The following SYN3 variants were observed in gnomAD, a reference collection of about 807,000 sequenced individuals.
SYN3 encodes synapsin-3.
A neutral mutation model predicts 65.8 loss-of-function variants in SYN3; 35 were observed. The ratio of observed to expected loss-of-function variants is 0.53; its 90% CI spans 0.41 to 0.70. The LOEUF (loss-of-function observed/expected upper bound fraction) is 0.70, where lower values mean the gene tolerates loss of function less well. Among genes scored for constraint, SYN3 ranks in the 30% least tolerant of loss-of-function variants. The probability of loss-of-function intolerance (pLI) is 0.00; values close to 1 mark genes in which losing one functional copy is unlikely to be tolerated. For missense variants in SYN3, 680 were observed against 749.0 expected (o/e 0.91, Z 1.08); for synonymous variants, 270 against 292.9 (o/e 0.92, Z 0.80).
chr22:32,657,015 G>T (rs1385145726), intron 6 of SYN3, among the ~76,000 whole-genome samples: 1 of 152,116 alleles, frequency 6.6e-6, no homozygotes, highest in Non-Finnish European at 1.5e-5. Flanking sequence ...TTCTGGCTTG[G>T]AATTCTGGGA....
chr22:32,859,097 G>A, intron 6 of SYN3: 2 of 1,415,726 alleles, frequency 1.4e-6, no homozygotes, highest in Non-Finnish European at 2.0e-6. Context: ...AGTGGCCCCA[G>A]GGTCTGAATC....
chr22:32,931,360 GA>G lies in SYN3; in HGVS notation c.461+29del, dbSNP rs781581023. ...TGAGGTTCCACGTATGCAATTCTCA[GA>G]AGGTTCTGCATATTTTAATCCTACT... On this transcript the variant is annotated intron_variant, in intron 4 of 13. Transcript: ENST00000358763. 652 of 1,477,510 alleles carry G rather than the reference GA, an allele frequency of 4.4e-4. 1 individual carries two copies. The highest frequency in any genetic ancestry group is 6.0e-4 in the Non-Finnish European group (629 of 1,055,710). 91.5% of individuals were successfully genotyped at this position (1,477,510 alleles called of 1,614,324 possible). A position where few individuals can be genotyped will look rare whatever the true frequency, so the allele number is the denominator to read the frequency against.
chr22:32,557,006 G>C, intron 7 of SYN3, among the ~76,000 whole-genome samples: 1 of 151,784 alleles, frequency 6.6e-6, no homozygotes, highest in East Asian at 1.9e-4. Context: ...AAAATTAAAA[G>C]GATATCACAC....
chr22:32,904,100 G>A (rs187387004), intron 4 of SYN3, among the ~76,000 whole-genome samples: 2 of 152,342 alleles, frequency 1.3e-5, no homozygotes, highest in East Asian at 3.9e-4. Flanking sequence ...CTTTAAAGGT[G>A]GGTAATAAAT....
intron 4 of SYN3, among the ~76,000 whole-genome samples, chr22:32,882,215 A>C (rs4449): frequency 2.0e-5 from 3 of 152,152 alleles, no homozygotes; most frequent in Admixed American, 6.5e-5. Flanking sequence ...CCCATCGGTC[A>C]GGTCATCTTC....
rs1435346207 is a variant in SYN3, at chr22:32,507,828, A to G, written c.*5864T>C. Among the ~76,000 whole-genome samples, 1 of 151,980 alleles carries G rather than the reference A, an allele frequency of 6.6e-6. No individual in the cohort carries two copies. Among genetic ancestry groups the G allele is most frequent in the African/African-American group, 2.4e-5 (1 of 41,306 alleles). On this transcript the variant is annotated 3_prime_UTR_variant, in exon 14 of 14. Coordinates refer to ENST00000358763, the MANE Select transcript of SYN3 (RefSeq NM_003490.4). Reference sequence around the variant, plus strand: ...CATACAAAACCATATCCAGGCCGTCACCAATCATTCTACACAACAAATGTT... The same window carrying G: ...CATACAAAACCATATCCAGGCCGTCGCCAATCATTCTACACAACAAATGTT...
intron 6 of SYN3, among the ~76,000 whole-genome samples, chr22:32,703,361 G>A (rs539567229): frequency 7.0e-4 from 106 of 152,222 alleles, no homozygotes; most frequent in Admixed American, 1.7e-3. Context: ...TTGCCTGGCC[G>A]GGCGCGGTGG....
At chr22:32,559,320 AC>A (rs2058549963) in intron 7 of SYN3, among the ~76,000 whole-genome samples, 2 of 152,208 alleles carry the variant, frequency 1.3e-5, no homozygotes, top group Non-Finnish European at 2.9e-5. Flanking sequence ...GGGAAGATAA[AC>A]AAATAGATAT....
chr22:32,954,342 GCTTTTAGAAGGTCGACAGAC>G (rs1300512398), intron 3 of SYN3, among the ~76,000 whole-genome samples: 1 of 152,184 alleles, frequency 6.6e-6, no homozygotes, highest in African/African-American at 2.4e-5. Flanking sequence ...CACCTCCAGA[GCTTTTAGAAGGTCGACAGAC>G]CTAGAAACAA....
At chr22:32,716,866 C>T (rs1267008674) in intron 6 of SYN3, among the ~76,000 whole-genome samples, 1 of 151,974 alleles carries the variant, frequency 6.6e-6, no homozygotes, top group East Asian at 1.9e-4. Context: ...ACAAAATTTA[C>T]CATTTTAAGT....
chr22:32,866,195 C>A (rs1378404088), intron 5 of SYN3, among the ~76,000 whole-genome samples: 2 of 152,092 alleles, frequency 1.3e-5, no homozygotes, highest in East Asian at 3.9e-4. Flanking sequence ...TGTGGATGCC[C>A]AGTGGTTAAA....
In SYN3 at chr22:32,809,387, T is replaced by C. The variant is rs539000590; in HGVS notation, c.711+55528A>G. Among the ~76,000 whole-genome samples, 98 of 152,332 alleles carry C rather than the reference T, an allele frequency of 6.4e-4. 1 individual carries two copies. The highest frequency in any genetic ancestry group is 2.3e-3 in the African/African-American group (96 of 41,592). On this transcript the variant is annotated intron_variant, in intron 6 of 13. Coordinates refer to ENST00000358763, the MANE Select transcript of SYN3 (RefSeq NM_003490.4). ...GTCAGTCTGCTTATCTTTGGTTTTC[T>C]TCCTCTCCAGACATGCCTTCCCTGC...
At chr22:32,792,197 G>C (rs7286761) in intron 6 of SYN3, among the ~76,000 whole-genome samples, 22,666 of 152,158 alleles carry the variant, frequency 0.15, 2,026 homozygotes, top group African/African-American at 0.26. Context: ...GGCTCAGAGA[G>C]AGGTTAAGGA....
chr22:32,666,492 T>C (rs2060291739), intron 6 of SYN3, among the ~76,000 whole-genome samples: 1 of 152,162 alleles, frequency 6.6e-6, no homozygotes, highest in Non-Finnish European at 1.5e-5. Flanking sequence ...CTCTCCCACC[T>C]CAGGCCCTTC....
chr22:33,018,768 C>T (rs566264716), intron 1 of SYN3, among the ~76,000 whole-genome samples: 1 of 152,302 alleles, frequency 6.6e-6, no homozygotes, highest in South Asian at 2.1e-4. Flanking sequence ...TCTTTCCTTG[C>T]TCACCCTCAG....
chr22:32,614,494 C>T (rs1040543204), intron 6 of SYN3, among the ~76,000 whole-genome samples: 50 of 152,156 alleles, frequency 3.3e-4, no homozygotes, highest in African/African-American at 1.1e-3. Flanking sequence ...TTCTTCATTA[C>T]ACTATATTGG....
At chr22:32,908,719 C>T (rs975911410) in intron 4 of SYN3, among the ~76,000 whole-genome samples, 4 of 152,116 alleles carry the variant, frequency 2.6e-5, no homozygotes, top group African/African-American at 9.7e-5. Context: ...CGGTGACAGG[C>T]CACGTGGGCT....
chr22:32,799,511 C>T (rs2046510262), intron 6 of SYN3, among the ~76,000 whole-genome samples: 1 of 152,104 alleles, frequency 6.6e-6, no homozygotes, highest in Non-Finnish European at 1.5e-5. Context: ...CCAGGCAAGG[C>T]CTTCCGTTGG....
chr22:32,635,086 G>A (rs1379515346), intron 6 of SYN3: 1 of 152,152 alleles, frequency 6.6e-6, no homozygotes, highest in African/African-American at 2.4e-5. Flanking sequence ...TCTCAACTCT[G>A]TGCTTGTTGT....
Sources: allele counts gnomAD v4.1 joint callset (sites outside exome capture counted in the v4.1 genomes callset), GRCh38; gene constraint gnomAD v4.1.1; transcripts MANE v1.5; gene names NCBI Gene and HGNC (gene_info 2026-07-23, HGNC 2026-07-21).